The following SLC9C1 variants were observed in gnomAD, a reference collection of about 807,000 sequenced individuals.
The protein encoded by SLC9C1 is solute carrier family 9 member C1.
A neutral mutation model predicts 140.9 loss-of-function variants in SLC9C1; 97 were observed. The observed-to-expected ratio is 0.69, with a 90% CI of 0.58 to 0.82. SLC9C1 has a LOEUF of 0.82. SLC9C1 is among the 40% of genes least tolerant of loss of function. The pLI is 0.00. For synonymous variants in SLC9C1, 440 were observed against 442.6 expected, an observed-to-expected ratio of 0.99 and a Z score of 0.07; for missense variants, 1,340 against 1,389.3, an observed-to-expected ratio of 0.96 and a Z score of 0.56.
chr3:112,253,141 C>T lies in SLC9C1; in HGVS notation c.1198-9065G>A, dbSNP rs546555782. On this transcript the variant is annotated intron_variant, in intron 10 of 28. Coordinates refer to ENST00000305815, the MANE Select transcript of SLC9C1 (RefSeq NM_183061.3). ...AAGCTTGGGCCCACAGCACAGATCC[C>T]GCATTCTGGACAATTGCACTGAATG... Among the ~76,000 whole-genome samples the T allele has an allele frequency of 3.9e-5, 6 of 152,302 alleles. 1 individual carries two copies. Among genetic ancestry groups the T allele is most frequent in the South Asian group, 4.1e-4 (2 of 4,824 alleles).
chr3:112,153,482 G>A (rs1427268125), intron 27 of SLC9C1, among the ~76,000 whole-genome samples: 7 of 152,120 alleles, frequency 4.6e-5, no homozygotes, highest in Non-Finnish European at 5.9e-5. Flanking sequence ...GCCTTCAGGA[G>A]CAGCTGTGTT....
Position 112,208,368 on chromosome 3 carries a change from A to T in SLC9C1, c.1796T>A (p.Phe599Tyr). The T allele has an allele frequency of 1.3e-6, 2 of 1,537,944 alleles. No individual in the cohort carries two copies. Among genetic ancestry groups the T allele is most frequent in the Non-Finnish European group, 1.7e-6 (2 of 1,142,938 alleles). ...RKEKEGPSKY[F>Y]FFRICHTIVF... Reference sequence around the variant, plus strand: ...TATTGTATGGCATATACGAAAAAAGAAGTATCTGTAAAACAAAAAGACAGT... The same window carrying T: ...TATTGTATGGCATATACGAAAAAAGTAGTATCTGTAAAACAAAAAGACAGT... The change falls in exon 16 of 29, where the codon TTC (phenylalanine) becomes TAC (tyrosine). Residue 599 changes from phenylalanine (F) to tyrosine (Y), a missense_variant. Transcript: ENST00000305815.
At chr3:112,272,637 C>T (rs1051720650) in intron 6 of SLC9C1, among the ~76,000 whole-genome samples, 2 of 152,144 alleles carry the variant, frequency 1.3e-5, no homozygotes, top group African/African-American at 2.4e-5. Flanking sequence ...GTAAATTCAT[C>T]GTTCTCTTTC....
chr3:112,161,065 C>A (rs2075283610), intron 26 of SLC9C1, among the ~76,000 whole-genome samples: 1 of 152,162 alleles, frequency 6.6e-6, no homozygotes, highest in South Asian at 2.1e-4. Context: ...GCATAAATTT[C>A]TTCTTTTGAG....
chr3:112,233,295 T>C (rs1345318388), intron 12 of SLC9C1, among the ~76,000 whole-genome samples: 1 of 151,976 alleles, frequency 6.6e-6, no homozygotes, highest in Non-Finnish European at 1.5e-5. Flanking sequence ...TCAAACTGCT[T>C]GGCTCAAGCA....
chr3:112,244,111 G>A (rs2079211918), intron 10 of SLC9C1, 35 bp from the exon 11 acceptor site: 2 of 1,355,910 alleles, frequency 1.5e-6, no homozygotes, highest in Non-Finnish European at 2.1e-6. Context: ...AAGTATTCAT[G>A]ACAATTTCAT....
intron 13 of SLC9C1, among the ~76,000 whole-genome samples, chr3:112,227,161 T>TGCAGCAA (rs1258436737): frequency 6.6e-6 from 1 of 152,072 alleles, no homozygotes; most frequent in African/African-American, 2.4e-5. Context: ...CAATGAAGAC[T>TGCAGCAA]TACAAGATTG....
chr3:112,152,142 G>C (rs2075001163), intron 27 of SLC9C1, among the ~76,000 whole-genome samples, 179 bp from the exon 28 acceptor site: 1 of 152,160 alleles, frequency 6.6e-6, no homozygotes, highest in Non-Finnish European at 1.5e-5. Context: ...ACTCAGCATA[G>C]GGAAGACCCG....
chr3:112,217,672 G>T, intron 14 of SLC9C1, 111 bp from the exon 15 acceptor site: 1 of 950,630 alleles, frequency 1.1e-6, no homozygotes, highest in South Asian at 2.3e-5. Context: ...AAAACAGGAA[G>T]ACTATTTTGT....
intron 23 of SLC9C1, among the ~76,000 whole-genome samples, chr3:112,172,992 A>C (rs1287561031): frequency 6.6e-6 from 1 of 151,944 alleles, no homozygotes; most frequent in Non-Finnish European, 1.5e-5. Flanking sequence ...ATGTGGGATT[A>C]TTGGTCTGTA....
chr3:112,177,250 A>G (rs1250702463), intron 23 of SLC9C1, among the ~76,000 whole-genome samples: 4 of 151,744 alleles, frequency 2.6e-5, no homozygotes, highest in Non-Finnish European at 5.9e-5. Context: ...CAGGTGATCC[A>G]CCAGCCTCAA....
intron 13 of SLC9C1, among the ~76,000 whole-genome samples, chr3:112,227,542 T>C (rs1297256695): frequency 2.0e-5 from 3 of 152,160 alleles, no homozygotes; most frequent in African/African-American, 4.8e-5. Context: ...CATTGTTTCA[T>C]GATAAAAACT....
intron 16 of SLC9C1, among the ~76,000 whole-genome samples, chr3:112,206,833 G>A (rs1324644841): frequency 7.4e-6 from 1 of 135,548 alleles, no homozygotes; most frequent in Non-Finnish European, 1.6e-5. Flanking sequence ...TCACACACCG[G>A]ATCCTGTCGT....
At chr3:112,210,195 A>T (rs2108071725) in intron 15 of SLC9C1, among the ~76,000 whole-genome samples, 1 of 152,320 alleles carries the variant, frequency 6.6e-6, no homozygotes, top group East Asian at 1.9e-4. Flanking sequence ...CAGGTATTCA[A>T]ATAAAAACTT....
chr3:112,228,216 G>C (rs1225988251), intron 13 of SLC9C1, among the ~76,000 whole-genome samples: 1 of 151,978 alleles, frequency 6.6e-6, no homozygotes, highest in Non-Finnish European at 1.5e-5. Context: ...CAGACCAAGA[G>C]AACAGAATAG....
At chr3:112,280,845 G>T in intron 2 of SLC9C1, 62 bp from the exon 3 acceptor site, 1 of 1,424,796 alleles carries the variant, frequency 7.0e-7, no homozygotes, top group South Asian at 1.2e-5. Context: ...ACTTTAATGT[G>T]ACATGATTTC....
intron 20 of SLC9C1, among the ~76,000 whole-genome samples, chr3:112,191,188 C>G (rs1275441455): frequency 6.6e-6 from 1 of 152,072 alleles, no homozygotes; most frequent in African/African-American, 2.4e-5. Context: ...TATGAGGATG[C>G]TTTTTATTTC....
Position 112,266,205 on chromosome 3 carries a change from A to G in SLC9C1, c.878+33T>C, listed in dbSNP as rs144749419. ...ATTATAATATTATAGCTTCCAGTGT[A>G]TGAAATAAAGTCAAAATATGCTATC... On this transcript the variant is annotated intron_variant, in intron 8 of 28. Coordinates refer to ENST00000305815, the MANE Select transcript of SLC9C1 (RefSeq NM_183061.3). 7.8e-6 allele frequency: 11 copies of G among 1,410,618 alleles called. No individual in the cohort carries two copies. The East Asian group carries it at 1.4e-4, about 18-fold the overall frequency. The allele number at this position is 1,410,618 out of a possible 1,614,324, so 87.4% of individuals were successfully genotyped here. A position where few individuals can be genotyped will look rare whatever the true frequency, so the allele number is the denominator to read the frequency against.
At chr3:112,217,651 T>A in intron 14 of SLC9C1, 90 bp from the exon 15 acceptor site, 1 of 1,177,154 alleles carries the variant, frequency 8.5e-7, no homozygotes, top group Non-Finnish European at 1.1e-6. Flanking sequence ...TACATAAGTT[T>A]AATTTTGCAC....
Sources: allele counts gnomAD v4.1 joint callset (sites outside exome capture counted in the v4.1 genomes callset), GRCh38; gene constraint gnomAD v4.1.1; transcripts MANE v1.5; gene names NCBI Gene and HGNC (gene_info 2026-07-23, HGNC 2026-07-21).